NDST3: variants seen among roughly 807,000 people sequenced by gnomAD.
NDST3 encodes N-deacetylase and N-sulfotransferase 3, also known as bifunctional heparan sulfate N-deacetylase/N-sulfotransferase 3.
Under a neutral mutation model 96.1 loss-of-function variants are expected in NDST3, and 58 were observed. The observed-to-expected ratio is 0.60, with a 90% CI of 0.49 to 0.75. The LOEUF (loss-of-function observed/expected upper bound fraction) is 0.75, where lower values mean the gene tolerates loss of function less well. NDST3 is among the 30% of genes least tolerant of loss of function. NDST3 has a pLI of 0.00. For synonymous variants in NDST3, 333 were observed against 359.7 expected (o/e 0.93, Z 0.84); for missense variants, 788 against 1,034.2 (o/e 0.76, Z 3.27).
chr4:118,106,119 TG>T (rs1468337301), intron 3 of NDST3, among the ~76,000 whole-genome samples: 1 of 152,202 alleles, frequency 6.6e-6, no homozygotes, highest in Admixed American at 6.5e-5. Context: ...GAGGAGTATC[TG>T]GGTTTTCTGC....
At chr4:118,195,341 C>T (rs1157162792) in intron 6 of NDST3, among the ~76,000 whole-genome samples, 1 of 152,082 alleles carries the variant, frequency 6.6e-6, no homozygotes, top group Non-Finnish European at 1.5e-5. Flanking sequence ...GGGGGCAGTT[C>T]CCCCATACTG....
chr4:118,216,634 A>G (rs952571032), intron 6 of NDST3, among the ~76,000 whole-genome samples: 2 of 152,108 alleles, frequency 1.3e-5, no homozygotes, highest in African/African-American at 4.8e-5. Context: ...ACATAAAGAT[A>G]TAGTTTATTT....
intron 1 of NDST3, among the ~76,000 whole-genome samples, chr4:118,036,988 A>AT (rs111775930): frequency 0.27 from 40,308 of 151,000 alleles, 5,768 homozygotes; most frequent in African/African-American, 0.36. Context: ...TCATTGCTGA[A>AT]TTTTTTTTTT....
At chr4:118,144,557 G>C (rs1733803970) in intron 6 of NDST3, among the ~76,000 whole-genome samples, 1 of 146,674 alleles carries the variant, frequency 6.8e-6, no homozygotes. Context: ...CTTGAGGCAA[G>C]TATTAGAAAG....
At chr4:118,053,567 A>G (rs887820902) in intron 1 of NDST3, among the ~76,000 whole-genome samples, 189 bp from the exon 2 acceptor site, 1 of 151,642 alleles carries the variant, frequency 6.6e-6, no homozygotes, top group Non-Finnish European at 1.5e-5. Flanking sequence ...GGCTCAATGG[A>G]CCCCTTTTCC....
intron 6 of NDST3, among the ~76,000 whole-genome samples, chr4:118,192,522 C>T (rs944278191): frequency 2.0e-5 from 3 of 152,106 alleles, no homozygotes; most frequent in Non-Finnish European, 4.4e-5. Flanking sequence ...TTTTCCAGCA[C>T]TATTTATTGA....
chr4:118,085,360 C>G (rs1728338988), intron 2 of NDST3, among the ~76,000 whole-genome samples: 1 of 152,078 alleles, frequency 6.6e-6, no homozygotes, highest in Admixed American at 6.5e-5. Flanking sequence ...AGTCCCAAAA[C>G]TGCCTGAAGA....
At chr4:118,167,220 C>G (rs1735610814) in intron 6 of NDST3, among the ~76,000 whole-genome samples, 1 of 151,748 alleles carries the variant, frequency 6.6e-6, no homozygotes, top group South Asian at 2.1e-4. Flanking sequence ...ATTAACAGTT[C>G]CAGGATACAA....
chr4:118,164,753 T>TA (rs1245357899), intron 6 of NDST3, among the ~76,000 whole-genome samples: 2 of 151,974 alleles, frequency 1.3e-5, no homozygotes, highest in East Asian at 1.9e-4. Flanking sequence ...GGCAAAAGTA[T>TA]AAAAAACACT....
intron 4 of NDST3, among the ~76,000 whole-genome samples, chr4:118,126,698 G>C (rs1250125853): frequency 1.3e-5 from 2 of 151,632 alleles, no homozygotes; most frequent in Non-Finnish European, 2.9e-5. Flanking sequence ...CTTTCTTTTG[G>C]GTATATACTC....
At chr4:118,169,298 T>C (rs1380715114) in intron 6 of NDST3, among the ~76,000 whole-genome samples, 2 of 152,146 alleles carry the variant, frequency 1.3e-5, no homozygotes, top group Non-Finnish European at 1.5e-5. Context: ...AGAAAGAGGA[T>C]TATTCTAGCT....
At chr4:118,212,245 A>T (rs1041327043) in intron 6 of NDST3, among the ~76,000 whole-genome samples, 2 of 152,230 alleles carry the variant, frequency 1.3e-5, no homozygotes, top group Non-Finnish European at 2.9e-5. Flanking sequence ...TACAGTCTGG[A>T]TTAAAAGTAG....
At chr4:118,224,737 C>A in intron 7 of NDST3, 64 bp downstream of exon 7, 3 of 1,386,926 alleles carry the variant, frequency 2.2e-6, no homozygotes, top group South Asian at 1.8e-5. Flanking sequence ...GTGAGATATC[C>A]CAAATTTGAA....
At chr4:118,194,020 C>G (rs2125969249) in intron 6 of NDST3, 1 of 1,302,968 alleles carries the variant, frequency 7.7e-7, no homozygotes, top group Non-Finnish European at 1.1e-6. Context: ...ACTCCTTGGT[C>G]TTTTCAAAAC....
At chr4:118,238,697 T>C (rs78734415) in intron 10 of NDST3, among the ~76,000 whole-genome samples, 1 of 152,230 alleles carries the variant, frequency 6.6e-6, no homozygotes. Flanking sequence ...GAAGCTATAC[T>C]TGAAATTGCT....
At chr4:118,086,239 C>A in intron 2 of NDST3, among the ~76,000 whole-genome samples, 1 of 152,064 alleles carries the variant, frequency 6.6e-6, no homozygotes, top group Non-Finnish European at 1.5e-5. Flanking sequence ...CTTGTTTAAA[C>A]TTTGGGCTGT....
intron 4 of NDST3, among the ~76,000 whole-genome samples, chr4:118,135,358 T>G (rs973218473): frequency 2.0e-5 from 3 of 152,180 alleles, no homozygotes; most frequent in Non-Finnish European, 4.4e-5. Flanking sequence ...ACAGTCTGTC[T>G]CTTTTAGTGG....
Position 118,229,099 on chromosome 4 carries a change from G to A in NDST3, c.1819+2117G>A, listed in dbSNP as rs189801907. ...GTGGATCACCTGAGGTCAGGAGTTC[G>A]ACACCACCCTGAACAATATGGTGAA... On this transcript the variant is annotated intron_variant, in intron 8 of 13. Transcript: ENST00000296499. 5.9e-5 allele frequency among the ~76,000 whole-genome samples: 9 copies of A among 152,112 alleles called. No individual in the cohort carries two copies. The East Asian group carries it at 7.7e-4, about 13-fold the overall frequency.
chr4:118,240,427 CTTCT>C (rs1740932851), intron 10 of NDST3, 93 bp from the exon 11 acceptor site: 1 of 1,064,252 alleles, frequency 9.4e-7, no homozygotes, highest in East Asian at 2.7e-5. Context: ...CAGTGAGGCA[CTTCT>C]TTCTTTAGCT....
Sources: allele counts gnomAD v4.1 joint callset (sites outside exome capture counted in the v4.1 genomes callset), GRCh38; gene constraint gnomAD v4.1.1; transcripts MANE v1.5; gene names NCBI Gene and HGNC (gene_info 2026-07-23, HGNC 2026-07-21).